Variants in TLK1 observed in about 807,000 individuals in gnomAD.
The protein encoded by TLK1 is serine/threonine-protein kinase tousled-like 1.
A neutral mutation model predicts 105.3 loss-of-function variants in TLK1; 24 were observed. That is an observed-to-expected ratio of 0.23 (90% CI 0.17 to 0.32). TLK1 has a LOEUF of 0.32. Among genes scored for constraint, TLK1 ranks in the 10% least tolerant of loss-of-function variants. The pLI, the probability that TLK1 is intolerant of heterozygous loss-of-function variation, is 1.00. For missense variants in TLK1, 558 were observed against 910.5 expected (o/e 0.61, Z 4.98); for synonymous variants, 321 against 310.4 (o/e 1.03, Z -0.36).
At chr2:170,994,203 C>A (rs187401093) in intron 20 of TLK1, among the ~76,000 whole-genome samples, 55 of 152,306 alleles carry the variant, frequency 3.6e-4, no homozygotes, top group Non-Finnish European at 6.8e-4. Flanking sequence ...TGAACTTATA[C>A]TGGAAAGTTG....
intron 1 of TLK1, among the ~76,000 whole-genome samples, chr2:171,168,789 G>C (rs559677061): frequency 1.2e-4 from 19 of 152,276 alleles, no homozygotes; most frequent in Admixed American, 8.5e-4. Context: ...AGTTATTCTG[G>C]AAGTGTGTGC....
rs569004870 is a variant in TLK1 at position 170,996,452 on chromosome 2, C to T, written c.2124+201G>A. ...CTGATGAACATAAACAATCAGAGAC[C>T]ATAGCTTAAAAGATAAAAACTATAG... On this transcript the variant is annotated intron_variant, in intron 20 of 20. Transcript: ENST00000431350. Among the ~76,000 whole-genome samples the T allele has an allele frequency of 3.3e-5, 5 of 152,120 alleles. No individual in the cohort carries two copies. In the East Asian group the frequency reaches 9.6e-4, roughly 29 times the overall value.
At chr2:171,036,424 A>C (rs1686342426) in intron 11 of TLK1, among the ~76,000 whole-genome samples, 3 of 152,206 alleles carry the variant, frequency 2.0e-5, no homozygotes, top group Non-Finnish European at 2.9e-5. Context: ...AAAAAGTTTA[A>C]ACAGATTGTT....
chr2:171,185,334 G>A (rs1693007129), intron 1 of TLK1, among the ~76,000 whole-genome samples: 1 of 152,026 alleles, frequency 6.6e-6, no homozygotes, highest in African/African-American at 2.4e-5. Context: ...ATGTAAAAAT[G>A]CAAGTATCAT....
At chr2:171,019,567 A>G (rs558232311) in intron 12 of TLK1, among the ~76,000 whole-genome samples, 51 of 152,206 alleles carry the variant, frequency 3.4e-4, no homozygotes, top group Non-Finnish European at 4.6e-4. Flanking sequence ...AATCCTGAAT[A>G]TATGTTACAT....
intron 4 of TLK1, among the ~76,000 whole-genome samples, chr2:171,058,544 TG>T (rs1687607905): frequency 1.3e-5 from 2 of 152,166 alleles, no homozygotes; most frequent in South Asian, 4.1e-4. Context: ...ACATGATTCC[TG>T]TCAAACTGAC....
In TLK1 at chr2:171,191,702, C is replaced by T. The variant is rs148905344; in HGVS notation, c.-6+39443G>A. Among the ~76,000 whole-genome samples the T allele has an allele frequency of 3.0e-3, 453 of 152,284 alleles. 1 individual carries two copies. The highest frequency in any genetic ancestry group is 9.3e-3 in the African/African-American group (388 of 41,560). On this transcript the variant is annotated intron_variant, in intron 1 of 20. Transcript: ENST00000521943. ...CTTCTGCCACTGAAAACTAAAATCCCTGGTCCCACTGTCTTCCTAAGAACT... is the reference window on the plus strand; with the variant it reads ...CTTCTGCCACTGAAAACTAAAATCCTTGGTCCCACTGTCTTCCTAAGAACT...
chr2:170,993,990 G>T (rs1038872268), intron 20 of TLK1, 34 bp from the exon 21 acceptor site: 4 of 1,547,330 alleles, frequency 2.6e-6, no homozygotes, highest in South Asian at 1.3e-5. Context: ...AGCAATTAAT[G>T]ATCTTTTTCC....
At chr2:171,138,789 A>T (rs1691449677) in intron 1 of TLK1, among the ~76,000 whole-genome samples, 1 of 152,218 alleles carries the variant, frequency 6.6e-6, no homozygotes, top group Non-Finnish European at 1.5e-5. Flanking sequence ...ACACTTCCTA[A>T]AAATACTAAG....
upstream of TLK1, among the ~76,000 whole-genome samples, chr2:171,161,273 T>C (rs1692491373): frequency 6.6e-6 from 1 of 151,598 alleles, no homozygotes; most frequent in African/African-American, 2.4e-5. Context: ...CGCGCCTCTC[T>C]CCTGACCCAC....
Position 170,996,628 on chromosome 2 carries a change from A to G in TLK1, c.2124+25T>C, listed in dbSNP as rs558479097. ...CTGATGAAAGAAAAGTTACTTCACA[A>G]AACTCATTTACAAAAATTTAATACC... On this transcript the variant is annotated intron_variant, in intron 20 of 20. Transcript: ENST00000431350. The G allele has an allele frequency of 8.8e-6, 14 of 1,588,018 alleles. No individual in the cohort carries two copies. The African/African-American group carries it at 1.5e-4, about 17-fold the overall frequency.
At chr2:171,130,807 G>C (rs1691075016) in intron 1 of TLK1, among the ~76,000 whole-genome samples, 3 of 152,102 alleles carry the variant, frequency 2.0e-5, no homozygotes, top group Non-Finnish European at 4.4e-5. Context: ...TATCCTGCTT[G>C]ATGAAAACTA....
At chr2:171,084,874 T>C (rs1211687622) in intron 2 of TLK1, among the ~76,000 whole-genome samples, 1 of 152,170 alleles carries the variant, frequency 6.6e-6, no homozygotes, top group Non-Finnish European at 1.5e-5. Context: ...ATAAAAAGTA[T>C]ATCTGAATGA....
At chr2:171,150,560 T>C (rs981325876) in intron 1 of TLK1, among the ~76,000 whole-genome samples, 1 of 152,174 alleles carries the variant, frequency 6.6e-6, no homozygotes, top group Non-Finnish European at 1.5e-5. Flanking sequence ...TTCCAATGAT[T>C]GGTTAAGGAA....
At position 170,993,756 on chromosome 2, in the gene TLK1, TATC is replaced by T. The variant is rs763366151; in HGVS notation, c.*21_*23del. 4.1e-5 allele frequency: 62 copies of T among 1,513,360 alleles called. No homozygotes were observed. Among genetic ancestry groups the T allele is most frequent in the Non-Finnish European group, 5.1e-5 (58 of 1,127,566 alleles). The allele number at this position is 1,513,360 out of a possible 1,614,324, so 93.7% of individuals were successfully genotyped here. A position where few individuals can be genotyped will look rare whatever the true frequency, so the allele number is the denominator to read the frequency against. The stretch of plus-strand genomic sequence containing the variant: ...GTGCATCTGGAAGCAAATTCAAAGA[TATC>T]ATGCCAATCTTGGAGGAAAGTCAGT... On this transcript the variant is annotated 3_prime_UTR_variant, in exon 21 of 21. Transcript: ENST00000431350.
chr2:171,082,192 C>A (rs1410116610), intron 3 of TLK1, among the ~76,000 whole-genome samples: 1 of 151,928 alleles, frequency 6.6e-6, no homozygotes, highest in Non-Finnish European at 1.5e-5. Flanking sequence ...TCAAGTATAT[C>A]ATGCTCAGGG....
intron 18 of TLK1, among the ~76,000 whole-genome samples, chr2:170,998,381 A>G (rs1052503235): frequency 6.6e-6 from 1 of 152,118 alleles, no homozygotes; most frequent in African/African-American, 2.4e-5. Context: ...ATCTGCACAC[A>G]CTATCTTCCC....
At chr2:171,141,862 C>T (rs1187596967) in intron 1 of TLK1, among the ~76,000 whole-genome samples, 2 of 151,724 alleles carry the variant, frequency 1.3e-5, no homozygotes, top group Non-Finnish European at 2.9e-5. Flanking sequence ...CAGCTAGAAG[C>T]CTGGAAATGC....
chr2:171,173,352 A>T (rs1692763338), intron 1 of TLK1, among the ~76,000 whole-genome samples: 1 of 152,208 alleles, frequency 6.6e-6, no homozygotes, highest in Admixed American at 6.5e-5. Context: ...ACAGAGCTAG[A>T]CAGGATCTCA....
Sources: gnomAD v4.1 joint callset for allele counts (sites outside exome capture counted in the v4.1 genomes callset) on GRCh38, gnomAD v4.1.1 for gene constraint, MANE v1.5 for transcripts, NCBI Gene and HGNC (gene_info 2026-07-23, HGNC 2026-07-21) for gene names.